MAGED1: variants seen among roughly 807,000 people sequenced by gnomAD.
MAGED1 encodes melanoma-associated antigen D1.
Under a neutral mutation model 54.1 loss-of-function variants are expected in MAGED1, and 3 were observed. That is an observed-to-expected ratio of 0.06 (90% confidence interval 0.03 to 0.14). The LOEUF is 0.14. Among genes scored for constraint, MAGED1 ranks in the 10% least tolerant of loss-of-function variants. MAGED1 has a pLI of 1.00. For synonymous variants in MAGED1, 217 were observed against 227.3 expected (o/e 0.95, Z 0.41); for missense variants, 485 against 623.4 (o/e 0.78, Z 2.36).
chrX:51,846,263 A>G (rs782342215), intron 1 of MAGED1, among the ~76,000 whole-genome samples: 66 of 112,082 alleles, frequency 5.9e-4, no homozygotes, highest in Non-Finnish European at 1.1e-3. Flanking sequence ...TACCCAATGT[A>G]GTCGCAAAGT....
chrX:51,873,534 T>TGTGTGAGA (rs1557361798), intron 1 of MAGED1, among the ~76,000 whole-genome samples: 5 of 90,567 alleles, frequency 5.5e-5, no homozygotes, highest in Non-Finnish European at 1.1e-4. Flanking sequence ...TGTGTGTGTG[T>TGTGTGAGA]GAGAGAGAGA....
chrX:51,879,538 A>C (rs781883569), intron 1 of MAGED1, among the ~76,000 whole-genome samples: 18 of 111,371 alleles, frequency 1.6e-4, no homozygotes, highest in Non-Finnish European at 3.4e-4. Flanking sequence ...TGCTAGAATT[A>C]TTATTCTTAT....
chrX:51,859,987 C>T (rs1283883969), intron 1 of MAGED1, among the ~76,000 whole-genome samples: 1 of 110,445 alleles, frequency 9.1e-6, no homozygotes, highest in East Asian at 2.9e-4. Flanking sequence ...GATGGATAGC[C>T]GGGTGCATTG....
At chrX:51,833,913 T>G (rs1293875145) in intron 1 of MAGED1, among the ~76,000 whole-genome samples, 5 of 111,835 alleles carry the variant, frequency 4.5e-5, no homozygotes, top group African/African-American at 6.5e-5. Flanking sequence ...CCTCTACATG[T>G]TGCCATTATC....
chrX:51,844,996 G>C (rs1926630917), intron 1 of MAGED1, among the ~76,000 whole-genome samples: 1 of 111,473 alleles, frequency 9.0e-6, no homozygotes, highest in African/African-American at 3.3e-5. Flanking sequence ...CGCTTTGGGA[G>C]GTTGAGGCAG....
chrX:51,886,639 C>CAAAAA (rs34342880), intron 1 of MAGED1, among the ~76,000 whole-genome samples: 2 of 101,150 alleles, frequency 2.0e-5, no homozygotes, highest in Non-Finnish European at 4.0e-5. Context: ...CCAAAATCTA[C>CAAAAA]AAAAAAAAAG....
chrX:51,837,300 T>C (rs1220780224), intron 1 of MAGED1, among the ~76,000 whole-genome samples: 1 of 112,145 alleles, frequency 8.9e-6, no homozygotes, highest in Admixed American at 9.5e-5. Flanking sequence ...GTTTTTTATG[T>C]AGGGAATCTT....
chrX:51,868,225 A>G (rs1927526616), intron 1 of MAGED1, among the ~76,000 whole-genome samples: 1 of 111,923 alleles, frequency 8.9e-6, no homozygotes, highest in Non-Finnish European at 1.9e-5. Flanking sequence ...CTTCTCTGTT[A>G]TATCTGGGTT....
At chrX:51,829,483 AT>A (rs1305681618) in intron 1 of MAGED1, among the ~76,000 whole-genome samples, 4 of 110,762 alleles carry the variant, frequency 3.6e-5, no homozygotes, top group African/African-American at 9.8e-5. Context: ...CAAACCATTA[AT>A]TTTTTATAGA....
intron 1 of MAGED1, among the ~76,000 whole-genome samples, chrX:51,874,870 C>T (rs887695792): frequency 7.3e-5 from 8 of 109,347 alleles, no homozygotes; most frequent in East Asian, 2.9e-4. Context: ...TTTTACCTTT[C>T]GGTAAAATTT....
In MAGED1 at chrX:51,829,700, A is replaced by G. The variant is rs564580578; in HGVS notation, c.-37+26583A>G. Among the ~76,000 whole-genome samples, 205 of 111,642 alleles carry G rather than the reference A, an allele frequency of 1.8e-3. 1 individual carries two copies. The highest frequency in any genetic ancestry group is 3.2e-3 in the Non-Finnish European group (169 of 53,055). On this transcript the variant is annotated intron_variant, in intron 1 of 12. Transcript: ENST00000375772. ...AAGGAAATACAGAAGTCCAATAAAT[A>G]CATTGAAATGTGGTCAATTGCACTA...
chrX:51,844,140 A>G (rs1270053925), intron 1 of MAGED1, among the ~76,000 whole-genome samples: 1 of 111,828 alleles, frequency 8.9e-6, no homozygotes, highest in East Asian at 2.8e-4. Context: ...ATGAGCCAGC[A>G]TGTGACTTCT....
chrX:51,854,826 C>T (rs1163745136), intron 1 of MAGED1, among the ~76,000 whole-genome samples: 4 of 110,809 alleles, frequency 3.6e-5, no homozygotes, highest in African/African-American at 1.3e-4. Context: ...TGTGTGTATG[C>T]CCAGTTACTC....
At chrX:51,894,866 T>C (rs1167918345) in intron 2 of MAGED1, 187 bp from the exon 3 acceptor site, 5 of 1,055,014 alleles carry the variant, frequency 4.7e-6, no homozygotes, top group Non-Finnish European at 6.3e-6. Flanking sequence ...CTGCCACATG[T>C]TTAGTACCCG....
chrX:51,888,280 G>A (rs374477174), intron 1 of MAGED1, among the ~76,000 whole-genome samples: 3 of 111,470 alleles, frequency 2.7e-5, no homozygotes, highest in Admixed American at 9.5e-5. Context: ...TACCTACTAT[G>A]TACCCACAAA....
At chrX:51,881,415 T>C (rs1021746242) in intron 1 of MAGED1, among the ~76,000 whole-genome samples, 2 of 96,193 alleles carry the variant, frequency 2.1e-5, no homozygotes, top group African/African-American at 7.1e-5. Flanking sequence ...CTTTTTCTTT[T>C]CTTTTCTTTT....
At chrX:51,849,473 C>A (rs1043566237) in intron 1 of MAGED1, among the ~76,000 whole-genome samples, 1 of 111,720 alleles carries the variant, frequency 9.0e-6, no homozygotes, top group Admixed American at 9.5e-5. Context: ...GAACTGGCAT[C>A]TTTACAAAAA....
chrX:51,869,200 G>A (rs1462939657), intron 1 of MAGED1, among the ~76,000 whole-genome samples: 2 of 111,510 alleles, frequency 1.8e-5, no homozygotes, highest in Middle Eastern at 4.6e-3. Flanking sequence ...ATGGTGTAGT[G>A]TAGGGATTGA....
chrX:51,810,723 A>G (rs1925190641), intron 1 of MAGED1, among the ~76,000 whole-genome samples: 1 of 111,878 alleles, frequency 8.9e-6, no homozygotes, highest in Non-Finnish European at 1.9e-5. Context: ...AATGCTTTGG[A>G]AAGGGAAGAT....
Sources: allele counts gnomAD v4.1 joint callset (sites outside exome capture counted in the v4.1 genomes callset), GRCh38; gene constraint gnomAD v4.1.1; transcripts MANE v1.5; gene names NCBI Gene and HGNC (gene_info 2026-07-23, HGNC 2026-07-21).